DDX10: variants seen among roughly 807,000 people sequenced by gnomAD.
DDX10 encodes probable ATP-dependent RNA helicase DDX10.
A neutral mutation model predicts 104.3 loss-of-function variants in DDX10; 74 were observed. The observed-to-expected ratio is 0.71, with a 90% CI of 0.59 to 0.86. The LOEUF (loss-of-function observed/expected upper bound fraction) is 0.86, where lower values mean the gene tolerates loss of function less well. DDX10 is among the 40% of genes least tolerant of loss of function. The probability of loss-of-function intolerance (pLI) is 0.00; values close to 1 mark genes in which losing one functional copy is unlikely to be tolerated. For synonymous variants in DDX10, 351 were observed against 353.4 expected (o/e 0.99, Z 0.08); for missense variants, 952 against 1,040.0 (o/e 0.92, Z 1.16).
intron 16 of DDX10, among the ~76,000 whole-genome samples, chr11:108,891,022 C>G (rs559548362): frequency 1.4e-4 from 21 of 152,150 alleles, no homozygotes; most frequent in Non-Finnish European, 2.9e-4. Context: ...TACTGACTAT[C>G]TTTCCATCTA....
chr11:108,788,609 C>A (rs942520641), intron 13 of DDX10, among the ~76,000 whole-genome samples: 1 of 152,220 alleles, frequency 6.6e-6, no homozygotes, highest in Non-Finnish European at 1.5e-5. Flanking sequence ...GTGATCCCCC[C>A]ACCTTGGTCT....
chr11:108,805,783 C>T (rs1405998153), intron 13 of DDX10, among the ~76,000 whole-genome samples: 1 of 151,914 alleles, frequency 6.6e-6, no homozygotes, highest in Non-Finnish European at 1.5e-5. Flanking sequence ...TTGATAGATG[C>T]TTTAATTTTA....
intron 13 of DDX10, among the ~76,000 whole-genome samples, chr11:108,784,643 G>T (rs1861762308): frequency 6.6e-6 from 1 of 152,124 alleles, no homozygotes; most frequent in African/African-American, 2.4e-5. Context: ...GATTCTGTAG[G>T]CTGTTTACTC....
chr11:108,740,696 A>C (rs1020503938), intron 13 of DDX10, among the ~76,000 whole-genome samples: 1 of 151,860 alleles, frequency 6.6e-6, no homozygotes, highest in Non-Finnish European at 1.5e-5. Context: ...GTGAGATGCT[A>C]TCTTATTGTG....
chr11:108,784,371 T>C (rs1861758641), intron 13 of DDX10, among the ~76,000 whole-genome samples: 1 of 152,092 alleles, frequency 6.6e-6, no homozygotes, highest in Non-Finnish European at 1.5e-5. Context: ...CTCTTTGTGG[T>C]TTTGATTTAC....
intron 13 of DDX10, among the ~76,000 whole-genome samples, chr11:108,803,630 T>C (rs1016643061): frequency 2.0e-5 from 3 of 151,994 alleles, no homozygotes; most frequent in African/African-American, 7.2e-5. Context: ...TTCCTGATCT[T>C]TGCTGTTTTT....
intron 16 of DDX10, among the ~76,000 whole-genome samples, chr11:108,876,103 A>C (rs1863150800): frequency 6.6e-6 from 1 of 152,218 alleles, no homozygotes; most frequent in African/African-American, 2.4e-5. Flanking sequence ...GAATCTTTAA[A>C]ACATTACTGA....
rs36193704 is a variant in DDX10 at position 108,845,209 on chromosome 11, A to AAAACAAAC, written c.2247+3757_2247+3764dup. 5.1e-3 allele frequency among the ~76,000 whole-genome samples: 775 copies of AAAACAAAC among 152,010 alleles called. 6 individuals are homozygous for AAAACAAAC. Among genetic ancestry groups the AAAACAAAC allele is most frequent in the African/African-American group, 0.018 (742 of 41,408 alleles). ...GGCGACAGAGCCAGACTCTGTCTCA[A>AAAACAAAC]AAACAAACAAACAAACAAACAAACA... On this transcript the variant is annotated intron_variant, in intron 15 of 17. Coordinates refer to ENST00000322536, the MANE Select transcript of DDX10 (RefSeq NM_004398.4).
intron 12 of DDX10, among the ~76,000 whole-genome samples, chr11:108,720,790 G>A (rs1267318984): frequency 6.6e-6 from 1 of 151,544 alleles, no homozygotes; most frequent in Non-Finnish European, 1.5e-5. Context: ...ATAGGGTTTC[G>A]CCATGTTGCC....
intron 9 of DDX10, among the ~76,000 whole-genome samples, chr11:108,703,338 TC>T (rs71050882): frequency 0.14 from 20,612 of 152,106 alleles, 1,531 homozygotes; most frequent in East Asian, 0.25. Flanking sequence ...AAAGTGTAGA[TC>T]TTTTTTTTTG....
chr11:108,716,080 TGC>T (rs909120095), intron 11 of DDX10, 114 bp downstream of exon 11: 5 of 686,100 alleles, frequency 7.3e-6, no homozygotes, highest in African/African-American at 5.5e-5. Context: ...CAGTGTAATT[TGC>T]TGACAGATAA....
chr11:108,730,654 T>A (rs1477247315), intron 13 of DDX10, among the ~76,000 whole-genome samples: 2 of 152,230 alleles, frequency 1.3e-5, no homozygotes, highest in East Asian at 3.8e-4. Context: ...AAGGTATTGT[T>A]GAACTTCCTA....
intron 13 of DDX10, among the ~76,000 whole-genome samples, chr11:108,803,379 C>T (rs1045480917): frequency 6.6e-6 from 1 of 151,512 alleles, no homozygotes; most frequent in African/African-American, 2.4e-5. Flanking sequence ...GGATCACCTG[C>T]GGTCGTGAGT....
At chr11:108,681,453 A>G (rs4754343) in intron 6 of DDX10, among the ~76,000 whole-genome samples, 18,619 of 152,218 alleles carry the variant, frequency 0.12, 1,542 homozygotes, top group East Asian at 0.27. Flanking sequence ...AAACATAAAA[A>G]AGCAGATGCT....
At chr11:108,814,310 T>C (rs1489412295) in intron 13 of DDX10, among the ~76,000 whole-genome samples, 1 of 152,206 alleles carries the variant, frequency 6.6e-6, no homozygotes, top group African/African-American at 2.4e-5. Context: ...TTCCCCTTTC[T>C]CAGTCTCTAT....
chr11:108,677,673 T>C (rs1770571846), intron 4 of DDX10, among the ~76,000 whole-genome samples: 1 of 149,688 alleles, frequency 6.7e-6, no homozygotes, highest in African/African-American at 2.5e-5. Flanking sequence ...TAAGACCTGC[T>C]GCTCACTTTT....
At chr11:108,789,072 A>G (rs978832445) in intron 13 of DDX10, among the ~76,000 whole-genome samples, 3 of 152,220 alleles carry the variant, frequency 2.0e-5, no homozygotes, top group African/African-American at 7.2e-5. Flanking sequence ...CAGGCATCAG[A>G]GGTTAGATTT....
chr11:108,910,352 G>C (rs999629450), intron 16 of DDX10, among the ~76,000 whole-genome samples: 3 of 152,208 alleles, frequency 2.0e-5, no homozygotes, highest in Non-Finnish European at 4.4e-5. Context: ...TTTCAAAAAT[G>C]GGAACAATAA....
At position 108,791,687 on chromosome 11, in the gene DDX10, TTC is replaced by T. The variant is rs1861873625; in HGVS notation, c.1966-46758_1966-46757del. On this transcript the variant is annotated intron_variant, in intron 13 of 17. Transcript: ENST00000322536. The stretch of plus-strand genomic sequence containing the variant: ...CTTTCTGTCCCAATAGTTTTGCCTT[TTC>T]CAGAATGGAAACCTTGTTTCTCTAC... Among the ~76,000 whole-genome samples, 6 of 152,308 alleles carry T rather than the reference TTC, an allele frequency of 3.9e-5. No homozygotes were observed. The South Asian group carries it at 1.2e-3, about 32-fold the overall frequency.
Sources: gnomAD v4.1 joint callset for allele counts (sites outside exome capture counted in the v4.1 genomes callset) on GRCh38, gnomAD v4.1.1 for gene constraint, MANE v1.5 for transcripts, NCBI Gene and HGNC (gene_info 2026-07-23, HGNC 2026-07-21) for gene names.